The following TNKS variants were observed in gnomAD, a reference collection of about 807,000 sequenced individuals.
TNKS encodes the protein poly [ADP-ribose] polymerase tankyrase-1.
Under a neutral mutation model 135.8 loss-of-function variants are expected in TNKS, and 72 were observed. The observed-to-expected ratio is 0.53, with a 90% CI of 0.44 to 0.64. The LOEUF (loss-of-function observed/expected upper bound fraction) is 0.64. TNKS is among the 30% of genes least tolerant of loss of function. TNKS has a pLI of 0.00. For missense variants in TNKS, 1,769 were observed against 1,674.0 expected, an observed-to-expected ratio of 1.06 and a Z score of -0.99; for synonymous variants, 849 against 649.3, an observed-to-expected ratio of 1.31 and a Z score of -4.68.
At chr8:9,702,522 T>G (rs1803856190) in intron 5 of TNKS, among the ~76,000 whole-genome samples, 1 of 152,140 alleles carries the variant, frequency 6.6e-6, no homozygotes, top group Admixed American at 6.5e-5. Flanking sequence ...ATTCTTAAAA[T>G]ATTAAAGGAA....
intron 25 of TNKS, among the ~76,000 whole-genome samples, chr8:9,769,426 A>G (rs1460328685): frequency 6.6e-6 from 1 of 152,108 alleles, no homozygotes; most frequent in Admixed American, 6.5e-5. Flanking sequence ...CACTTTTATT[A>G]TTACTGTTTA....
At chr8:9,567,736 A>G (rs1245902720) in intron 1 of TNKS, among the ~76,000 whole-genome samples, 5 of 152,186 alleles carry the variant, frequency 3.3e-5, no homozygotes, top group African/African-American at 1.2e-4. Context: ...TTTCTTTAAA[A>G]GACTATATAG....
At chr8:9,623,187 G>T (rs1040467797) in intron 3 of TNKS, among the ~76,000 whole-genome samples, 18 of 152,198 alleles carry the variant, frequency 1.2e-4, no homozygotes, top group African/African-American at 4.3e-4. Flanking sequence ...ATCTTCTTCA[G>T]TCTTTGCTCT....
intron 18 of TNKS, among the ~76,000 whole-genome samples, chr8:9,751,099 A>G (rs532582415): frequency 7.9e-5 from 12 of 152,266 alleles, no homozygotes; most frequent in African/African-American, 2.6e-4. Flanking sequence ...GGCATACATG[A>G]CGGGAGGAAG....
chr8:9,744,966 T>G lies in TNKS; in HGVS notation c.2644-3058T>G, dbSNP rs998308809. ...TACACACATACAGAAACAGGTAATT[T>G]TCCTTGGACTTTTTGTAATTTTGGA... On this transcript the variant is annotated intron_variant, in intron 17 of 26. Coordinates refer to ENST00000310430, the MANE Select transcript of TNKS (RefSeq NM_003747.3). Among the ~76,000 whole-genome samples, 13 of 152,196 alleles carry G rather than the reference T, an allele frequency of 8.5e-5. 1 individual carries two copies. Among genetic ancestry groups the G allele is most frequent in the Non-Finnish European group, 1.6e-4 (11 of 68,022 alleles).
Position 9,733,422 on chromosome 8 carries a change from A to C in TNKS, c.2291A>C (p.Glu764Ala). The change falls in exon 15 of 27, where the codon GAA (glutamate) becomes GCA (alanine). Residue 764 changes from glutamate to alanine, a missense_variant. By Grantham distance (107) the Glu-to-Ala change is moderately radical. This residue lies in a region of TNKS where 69 missense variants were observed against 120.3 expected (regional missense o/e 0.57). Transcript: ENST00000310430. ...LHEAAAKGKYEICKLLLKHGA... is the reference protein window; with the variant it reads ...LHEAAAKGKYAICKLLLKHGA... ...GAAGCAGCAGCTAAAGGAAAGTATGAAATCTGCAAGCTCCTTTTAAAAGTA... is the reference window on the plus strand; with the variant it reads ...GAAGCAGCAGCTAAAGGAAAGTATGCAATCTGCAAGCTCCTTTTAAAAGTA... 6.2e-7 allele frequency: 1 copy of C among 1,613,530 alleles called. No homozygotes were observed. Among genetic ancestry groups the C allele is most frequent in the Non-Finnish European group, 8.5e-7 (1 of 1,179,700 alleles).
chr8:9,570,006 C>A (rs1278988125), intron 1 of TNKS, among the ~76,000 whole-genome samples: 1 of 151,978 alleles, frequency 6.6e-6, no homozygotes, highest in East Asian at 1.9e-4. Context: ...TGCAACTGTC[C>A]ACTTAATTTT....
Position 9,640,729 on chromosome 8 carries a change from C to T in TNKS, c.994+25052C>T, listed in dbSNP as rs1322368589. Among the ~76,000 whole-genome samples, 3 of 145,816 alleles carry T rather than the reference C, an allele frequency of 2.1e-5. 1 individual carries two copies. Among genetic ancestry groups the T allele is most frequent in the African/African-American group, 5.1e-5 (2 of 39,350 alleles). ...TGACATAGCTAGGTCATGTTGTTCT[C>T]TGGTTGGATCTGAACAATTTCATGG... On this transcript the variant is annotated intron_variant, in intron 3 of 26. Coordinates refer to ENST00000310430, the MANE Select transcript of TNKS (RefSeq NM_003747.3).
intron 3 of TNKS, among the ~76,000 whole-genome samples, chr8:9,656,534 C>T (rs1205572398): frequency 6.6e-6 from 1 of 151,962 alleles, no homozygotes; most frequent in Non-Finnish European, 1.5e-5. Flanking sequence ...AGACTAACAG[C>T]TGATCTCTCG....
At chr8:9,713,967 G>T (rs1364944630) in intron 11 of TNKS, among the ~76,000 whole-genome samples, 3 of 152,098 alleles carry the variant, frequency 2.0e-5, no homozygotes, top group Non-Finnish European at 2.9e-5. Flanking sequence ...TTTTAATTAG[G>T]ATTCAGCCCT....
intron 1 of TNKS, among the ~76,000 whole-genome samples, chr8:9,568,695 T>C (rs1239567859): frequency 6.6e-6 from 1 of 152,240 alleles, no homozygotes; most frequent in Non-Finnish European, 1.5e-5. Flanking sequence ...AATTCTGGTA[T>C]ATTGTTTGGG....
intron 5 of TNKS, among the ~76,000 whole-genome samples, chr8:9,702,497 G>A (rs566495728): frequency 1.3e-5 from 2 of 152,236 alleles, no homozygotes; most frequent in East Asian, 3.9e-4. Flanking sequence ...GCAAGACAGA[G>A]GACAGTGGTA....
chr8:9,649,780 A>G (rs1016861113), intron 3 of TNKS, among the ~76,000 whole-genome samples: 2 of 151,930 alleles, frequency 1.3e-5, no homozygotes, highest in African/African-American at 2.4e-5. Flanking sequence ...AGTTCCATCC[A>G]AGTTGCTACA....
At chr8:9,763,309 G>GAATT (rs1375630670) in intron 22 of TNKS, 65 bp downstream of exon 22, 15 of 1,127,560 alleles carry the variant, frequency 1.3e-5, no homozygotes, top group South Asian at 1.1e-4. Flanking sequence ...TCTTTTTCTG[G>GAATT]AATTAACCTC....
chr8:9,769,122 C>T (rs1422254398), intron 25 of TNKS, among the ~76,000 whole-genome samples: 1 of 152,210 alleles, frequency 6.6e-6, no homozygotes, highest in Non-Finnish European at 1.5e-5. Context: ...TTTTGCAGGT[C>T]ATACAATCCC....
At chr8:9,619,994 G>C (rs538838405) in intron 3 of TNKS, among the ~76,000 whole-genome samples, 1 of 151,102 alleles carries the variant, frequency 6.6e-6, no homozygotes, top group Non-Finnish European at 1.5e-5. Context: ...TCTGTCGCCA[G>C]GTTGGAGTGC....
intron 22 of TNKS, among the ~76,000 whole-genome samples, chr8:9,763,951 G>C (rs1027529961): frequency 3.9e-5 from 6 of 152,102 alleles, no homozygotes; most frequent in Non-Finnish European, 8.8e-5. Flanking sequence ...ACTTGCATAG[G>C]GAACTCAGGA....
At position 9,779,062 on chromosome 8, in the gene TNKS, A is replaced by G. The variant is rs944695868; in HGVS notation, c.*2326A>G. On this transcript the variant is annotated 3_prime_UTR_variant, in exon 27 of 27. Transcript: ENST00000310430. ...GGTGAAGGTACTGTGTAAGGAAGAC[A>G]TTTGCGGTGCTTCTTGTCCTATAAT... 2 of 152,468 alleles carry G rather than the reference A, an allele frequency of 1.3e-5. No homozygotes were observed. Among genetic ancestry groups the G allele is most frequent in the African/African-American group, 2.4e-5 (1 of 41,458 alleles). 9.4% of individuals were successfully genotyped at this position (152,468 alleles called of 1,614,324 possible).
chr8:9,559,885 T>C lies in TNKS; in HGVS notation c.673+3273T>C, dbSNP rs947662445. Among the ~76,000 whole-genome samples the C allele has an allele frequency of 2.6e-5, 4 of 152,198 alleles. No homozygotes were observed. In the South Asian group the frequency reaches 6.2e-4, roughly 24 times the overall value. On this transcript the variant is annotated intron_variant, in intron 1 of 26. Coordinates refer to ENST00000310430, the MANE Select transcript of TNKS (RefSeq NM_003747.3). ...GAATATGGTTTAGAGACTGTGTTAA[T>C]AATGGAATCATCCTATCTGCAGTTA...
Sources: allele counts gnomAD v4.1 joint callset (sites outside exome capture counted in the v4.1 genomes callset), GRCh38; gene constraint gnomAD v4.1.1; regional missense constraint gnomAD v4.1.1; transcripts MANE v1.5; gene names NCBI Gene and HGNC (gene_info 2026-07-23, HGNC 2026-07-21).